Variants in PLEKHH1 observed in about 807,000 individuals in gnomAD.
The protein encoded by PLEKHH1 is pleckstrin homology domain-containing family H member 1.
A neutral mutation model predicts 160.0 loss-of-function variants in PLEKHH1; 104 were observed. The observed-to-expected ratio is 0.65, with a 90% CI of 0.55 to 0.76. PLEKHH1 has a LOEUF of 0.76. PLEKHH1 is among the 30% of genes least tolerant of loss of function. PLEKHH1 has a pLI of 0.00. For missense variants in PLEKHH1, 1,427 were observed against 1,724.1 expected (o/e 0.83, Z 3.05); for synonymous variants, 619 against 678.4 (o/e 0.91, Z 1.36).
chr14:67,568,796 G>C (rs2035232122), intron 7 of PLEKHH1, among the ~76,000 whole-genome samples: 2 of 152,136 alleles, frequency 1.3e-5, no homozygotes, highest in South Asian at 2.1e-4. Context: ...CAGAGCAACA[G>C]TTTACTGACC....
At chr14:67,545,308 A>G (rs2034132989) in intron 2 of PLEKHH1, among the ~76,000 whole-genome samples, 2 of 152,234 alleles carry the variant, frequency 1.3e-5, no homozygotes, top group South Asian at 4.1e-4. Flanking sequence ...ACAAACAGAA[A>G]TGTAGTCTTT....
intron 5 of PLEKHH1, among the ~76,000 whole-genome samples, chr14:67,561,191 G>A (rs541696500): frequency 3.1e-4 from 47 of 152,240 alleles, no homozygotes; most frequent in Non-Finnish European, 5.6e-4. Flanking sequence ...GCTTACCTGC[G>A]TATTCTCACA....
chr14:67,558,204 C>A (rs538363768), intron 4 of PLEKHH1, among the ~76,000 whole-genome samples: 5 of 152,328 alleles, frequency 3.3e-5, no homozygotes, highest in Non-Finnish European at 7.3e-5. Context: ...CTGGCCTTAC[C>A]TACCCAGCTT....
chr14:67,571,502 A>C, intron 9 of PLEKHH1: 1 of 413,676 alleles, frequency 2.4e-6, no homozygotes, highest in East Asian at 3.6e-5. Flanking sequence ...GTGGGCAGGC[A>C]TTCAGTCGTG....
chr14:67,553,707 C>CATA lies in PLEKHH1; in HGVS notation c.127-2114_127-2112dup, dbSNP rs767295642. Among the ~76,000 whole-genome samples, 15 of 152,356 alleles carry CATA rather than the reference C, an allele frequency of 9.8e-5. No individual in the cohort carries two copies. The East Asian group carries it at 2.9e-3, about 29-fold the overall frequency. On this transcript the variant is annotated intron_variant, in intron 2 of 28. Coordinates refer to ENST00000329153, the MANE Select transcript of PLEKHH1 (RefSeq NM_020715.3). ...TGCACTGGGCAACCACCCCTATAAA[C>CATA]ATAATATTGATTTATGCTGTGCTGT... is the stretch of plus-strand genomic sequence containing the variant.
chr14:67,533,515 C>G (rs1330121789), intron 1 of PLEKHH1, 117 bp downstream of exon 1: 1 of 151,918 alleles, frequency 6.6e-6, no homozygotes, highest in Non-Finnish European at 1.5e-5. Context: ...GAGCAGGTGC[C>G]TCCCTACCTG....
At chr14:67,575,608 A>G in intron 15 of PLEKHH1, 136 bp downstream of exon 15, 3 of 740,906 alleles carry the variant, frequency 4.0e-6, no homozygotes, top group East Asian at 2.7e-5. Context: ...GGATCCCTCC[A>G]GAGTGTGAGA....
In PLEKHH1 at chr14:67,569,950, G is replaced by A. The variant is rs996543051; in HGVS notation, c.1372G>A (p.Gly458Arg). The A allele has an allele frequency of 1.9e-6, 3 of 1,610,078 alleles. No individual in the cohort carries two copies. The highest frequency in any genetic ancestry group is 2.5e-6 in the Non-Finnish European group (3 of 1,177,972). The change falls in exon 9 of 29, where the codon GGG becomes AGG. Residue 458 changes from glycine to arginine, a missense_variant. By Grantham distance (125) the Gly-to-Arg change is moderately radical. Coordinates refer to ENST00000329153, the MANE Select transcript of PLEKHH1 (RefSeq NM_020715.3). ...ASSPPALVSP[G>R]SFSGLVYKNV... Reference sequence around the variant, plus strand: ...AAGCCCTCCTGCCCTTGTTTCCCCTGGGTCTTTCTCTGGCCTGGTCTACAA... The same window carrying A: ...AAGCCCTCCTGCCCTTGTTTCCCCTAGGTCTTTCTCTGGCCTGGTCTACAA...
intron 5 of PLEKHH1, among the ~76,000 whole-genome samples, chr14:67,560,805 T>A (rs4902486): frequency 0.61 from 92,047 of 150,320 alleles, 28,421 homozygotes; most frequent in Non-Finnish European, 0.65. Context: ...ATATCGGCTC[T>A]CTGCAACCTC....
chr14:67,580,140 CTCT>C, intron 22 of PLEKHH1: 1 of 389,520 alleles, frequency 2.6e-6, no homozygotes, highest in Non-Finnish European at 4.7e-6. Context: ...GAAGAAAAGC[CTCT>C]TCTTGGCTTG....
chr14:67,573,997 G>A lies in PLEKHH1; in HGVS notation c.1926+110G>A, dbSNP rs574396414. 1.2e-6 allele frequency: 1 copy of A among 822,548 alleles called. No individual in the cohort carries two copies. Among genetic ancestry groups the A allele is most frequent in the East Asian group, 2.5e-5 (1 of 39,854 alleles). The allele number at this position is 822,548 out of a possible 1,614,324, so 51.0% of individuals were successfully genotyped here. A position where few individuals can be genotyped will look rare whatever the true frequency, so the allele number is the denominator to read the frequency against. On this transcript the variant is annotated intron_variant, in intron 13 of 28. Coordinates refer to ENST00000329153, the MANE Select transcript of PLEKHH1 (RefSeq NM_020715.3). The surrounding 1 kb of genome is among the most constrained non-coding windows in gnomAD (Gnocchi z 4.8). Reference sequence around the variant, plus strand: ...AAATGAGCATGAATGAAAGACTTCAGATCAACATTTGGACGTGATCCTAAC... The same window carrying A: ...AAATGAGCATGAATGAAAGACTTCAAATCAACATTTGGACGTGATCCTAAC...
At chr14:67,555,218 C>T (rs914329818) in intron 2 of PLEKHH1, among the ~76,000 whole-genome samples, 2 of 152,154 alleles carry the variant, frequency 1.3e-5, no homozygotes, top group African/African-American at 4.8e-5. Context: ...GTGACCAGCT[C>T]GCAAGATAGA....
intron 7 of PLEKHH1, among the ~76,000 whole-genome samples, chr14:67,568,133 C>A (rs781424456): frequency 3.9e-5 from 6 of 152,108 alleles, no homozygotes; most frequent in Non-Finnish European, 8.8e-5. Context: ...AAAAACGTGC[C>A]CTAAGTTCCC....
intron 18 of PLEKHH1, 60 bp downstream of exon 18, chr14:67,577,474 G>C: frequency 9.0e-7 from 1 of 1,110,362 alleles, no homozygotes; most frequent in South Asian, 1.3e-5. Flanking sequence ...GGGTGGAGAA[G>C]GCCTGTGCAG....
At chr14:67,581,132 G>T (rs907343868) in intron 23 of PLEKHH1, 94 bp downstream of exon 23, 3 of 786,184 alleles carry the variant, frequency 3.8e-6, no homozygotes, top group Non-Finnish European at 6.7e-6. Flanking sequence ...ATCCAGACGG[G>T]GGGAGGGACC....
At chr14:67,575,716 C>G in intron 15 of PLEKHH1, 107 bp from the exon 16 acceptor site, 1 of 841,662 alleles carries the variant, frequency 1.2e-6, no homozygotes, top group Non-Finnish European at 1.9e-6. Context: ...ATCCTGTCAT[C>G]GGTCCATATC....
rs145848518 is a variant in PLEKHH1, at chr14:67,571,736, G to C, written c.1435-16G>C. The stretch of plus-strand genomic sequence containing the variant: ...TTGCAGCCTGAGCTGCAGTGAGGGA[G>C]GGGCCTGTCTTGCAGAGAGCTACAC... On this transcript the variant is annotated splice_polypyrimidine_tract_variant and intron_variant, in intron 9 of 28. Transcript: ENST00000329153. The C allele has an allele frequency of 1.5e-3, 2,369 of 1,606,528 alleles. 33 individuals carry two copies. In the African/African-American group the frequency reaches 0.028, roughly 19 times the overall value.
chr14:67,539,224 A>G (rs543993155), intron 1 of PLEKHH1, among the ~76,000 whole-genome samples: 2 of 152,276 alleles, frequency 1.3e-5, no homozygotes, highest in South Asian at 4.1e-4. Context: ...AGAGCCTTAC[A>G]AGGTTCTGTT....
intron 2 of PLEKHH1, among the ~76,000 whole-genome samples, chr14:67,547,359 A>G (rs1471003354): frequency 6.6e-6 from 1 of 152,204 alleles, no homozygotes; most frequent in African/African-American, 2.4e-5. Flanking sequence ...GTCCTCTGCA[A>G]TCATCCCTAA....
Sources: gnomAD v4.1 joint callset for allele counts (sites outside exome capture counted in the v4.1 genomes callset) on GRCh38, gnomAD v4.1.1 for gene constraint, Gnocchi (gnomAD v3.1) non-coding constraint, MANE v1.5 for transcripts, NCBI Gene and HGNC (gene_info 2026-07-23, HGNC 2026-07-21) for gene names.